Variants in SETD1B observed in about 807,000 individuals in gnomAD.
The protein encoded by SETD1B is SET domain containing 1B, histone lysine methyltransferase.
In SETD1B, 7 loss-of-function variants were observed where a neutral mutation model predicts 148.0. The ratio of observed to expected loss-of-function variants is 0.05; its 90% CI spans 0.03 to 0.09. SETD1B has a LOEUF of 0.09. Among genes scored for constraint, SETD1B ranks in the 10% least tolerant of loss-of-function variants. The pLI, the probability that SETD1B is intolerant of heterozygous loss-of-function variation, is 1.00. For synonymous variants in SETD1B, 1,361 were observed against 1,186.5 expected (o/e 1.15, Z -3.02); for missense variants, 2,155 against 2,729.9 (o/e 0.79, Z 4.69).
At chr12:121,798,604 T>C in the SETD1B span, among the ~76,000 whole-genome samples, 1 of 152,240 alleles carries the variant, frequency 6.6e-6, no homozygotes, top group African/African-American at 2.4e-5. Context: ...TCCTAGCCCA[T>C]GGCGAACTAT....
chr12:121,799,758 C>T (rs1376005895), upstream of SETD1B: 4 of 111,360 alleles, frequency 3.6e-5, no homozygotes, highest in Admixed American at 1.2e-4. Context: ...GCAGAACCAG[C>T]CCGGCGTGTT....
At position 121,808,293 on chromosome 12, in the gene SETD1B, C is replaced by G; in HGVS notation, c.630C>G (p.Val210=). The change falls in exon 5 of 17, where the codon GTC becomes GTG. Residue 210 remains valine (V), a synonymous_variant. Transcript: ENST00000604567. The surrounding 1 kb of genome is among the most constrained non-coding windows in gnomAD (Gnocchi z 5.3). ...QTLPVGELDA[V]SPIVNETLQL... ...TCCCAGTGGGCGAGCTGGACGCTGT[C>G]TCTCCAATCGTGAATGAGACCCTGC... is the stretch of plus-strand genomic sequence containing the variant. The G allele has an allele frequency of 6.4e-7, 1 of 1,550,890 alleles. No homozygotes were observed.
intron 13 of SETD1B, among the ~76,000 whole-genome samples, chr12:121,825,940 A>G (rs373636128): frequency 6.6e-6 from 1 of 152,096 alleles, no homozygotes; most frequent in African/African-American, 2.4e-5. Flanking sequence ...GCCACATCGC[A>G]TGGCCTCATT....
At position 121,819,465 on chromosome 12, in the gene SETD1B, G is replaced by A. The variant is rs1462151297; in HGVS notation, c.3480G>A (p.Glu1160=). ...AEATSSSESS[E]SSEFESSSES... ...CCACGTCGTCCAGTGAGAGTTCCGAGTCTTCTGAGTTTGAGTCAAGCTCCG... is the reference window on the plus strand; with the variant it reads ...CCACGTCGTCCAGTGAGAGTTCCGAATCTTCTGAGTTTGAGTCAAGCTCCG... Residue 1160 remains glutamate (E), a synonymous_variant, in exon 11 of 17, where the codon GAG becomes GAA. Transcript: ENST00000604567. 1 of 1,552,118 alleles carries A rather than the reference G, an allele frequency of 6.4e-7. No homozygotes were observed. Among genetic ancestry groups the A allele is most frequent in the South Asian group, 1.2e-5 (1 of 84,066 alleles).
At chr12:121,812,266 AG>A (rs1206011046) in intron 6 of SETD1B, among the ~76,000 whole-genome samples, 2 of 152,050 alleles carry the variant, frequency 1.3e-5, no homozygotes, top group African/African-American at 4.8e-5. Flanking sequence ...CCGAGGGTGC[AG>A]GGGGGGCTTT....
rs1177297414 is a variant in SETD1B at position 121,822,717 on chromosome 12, C to T, written c.4138C>T (p.Pro1380Ser). ...LAKSQSTETV[P>S]ATPGGEPPLS... ...CAAGTCGCAGAGCACAGAGACGGTG[C>T]CAGCCACACCAGGCGGGGAGCCCCC... The change falls in exon 12 of 17, where the codon CCA becomes TCA. Residue 1380 changes from proline to serine, a missense_variant. Physicochemically the swap from Pro to Ser is moderately conservative, Grantham distance 74. Transcript: ENST00000604567. The T allele has an allele frequency of 6.6e-7, 1 of 1,524,808 alleles. No homozygotes were observed. 94.5% of individuals were successfully genotyped at this position (1,524,808 alleles called of 1,614,324 possible).
In SETD1B at chr12:121,827,519, G is replaced by T; in HGVS notation, c.5338G>T (p.Gly1780Cys). The T allele has an allele frequency of 6.5e-7, 1 of 1,537,108 alleles. No individual in the cohort carries two copies. ...STDEPPADTQ[G>C]MSIPAQPHAS... ...GAGCCCCGCACACCGTCCACTGCAG[G>T]GCATGAGCATCCCAGCACAGCCCCA... The change falls in exon 14 of 17, where the codon GGC becomes TGC. Residue 1780 changes from glycine to cysteine, a missense_variant and splice_region_variant. Coordinates refer to ENST00000604567, the MANE Select transcript of SETD1B (RefSeq NM_001353345.2).
intron 13 of SETD1B, 115 bp downstream of exon 13, chr12:121,825,481 C>A (rs1280274075): frequency 7.3e-6 from 4 of 551,194 alleles, no homozygotes; most frequent in East Asian, 5.2e-5. Context: ...GAGGGGCTGG[C>A]ACACAGAGGG....
At chr12:121,816,151 A>T (rs192387180) in intron 7 of SETD1B, among the ~76,000 whole-genome samples, 165 of 151,980 alleles carry the variant, frequency 1.1e-3, no homozygotes, top group Middle Eastern at 3.4e-3. Context: ...TTAACATATT[A>T]TTTGCCTGTT....
At chr12:121,800,085 CGGGCGGCCG>C (rs1875254753), upstream of SETD1B, 3 of 152,124 alleles carry the variant, frequency 2.0e-5, no homozygotes, top group African/African-American at 7.2e-5. Context: ...CCCAGCGGCC[CGGGCGGCCG>C]GGGGTGGCTG....
chr12:121,825,491 GTGCAAGTGGAA>G, intron 13 of SETD1B, 125 bp downstream of exon 13: 12 of 676,854 alleles, frequency 1.8e-5, no homozygotes, highest in Admixed American at 6.1e-5. Flanking sequence ...CACACAGAGG[GTGCAAGTGGAA>G]GGGGAGAGGC....
the SETD1B span, among the ~76,000 whole-genome samples, chr12:121,796,713 CCCGT>C: frequency 6.6e-6 from 1 of 152,204 alleles, no homozygotes; most frequent in Non-Finnish European, 1.5e-5. Context: ...GCTAAAAGTT[CCCGT>C]CACAAAAGCC....
At chr12:121,794,345 G>C in the SETD1B span, 1 of 152,260 alleles carries the variant, frequency 6.6e-6, no homozygotes, top group Admixed American at 6.5e-5. Context: ...GCCCTCTGCC[G>C]GGCAATCGCC....
chr12:121,806,239 C>T (rs1007381529), intron 4 of SETD1B, 134 bp downstream of exon 4: 20 of 987,350 alleles, frequency 2.0e-5, no homozygotes, highest in Non-Finnish European at 2.8e-5. Context: ...TTTCTTAGCC[C>T]CCTCCTGAGG....
chr12:121,792,292 G>A, the SETD1B span, among the ~76,000 whole-genome samples: 1 of 152,234 alleles, frequency 6.6e-6, no homozygotes, highest in African/African-American at 2.4e-5. Flanking sequence ...GAGTCACAGA[G>A]GTGGGGTGAG....
chr12:121,829,324 C>T (rs113930571), intron 16 of SETD1B, among the ~76,000 whole-genome samples: 3 of 152,104 alleles, frequency 2.0e-5, no homozygotes, highest in Admixed American at 2.0e-4. Context: ...GCTGGTGGCC[C>T]CAGAAGTGGA....
chr12:121,804,677 C>G lies in SETD1B; in HGVS notation c.-14-47C>G. 1.4e-6 allele frequency: 2 copies of G among 1,399,496 alleles called. No individual in the cohort carries two copies. Among genetic ancestry groups the G allele is most frequent in the Non-Finnish European group, 1.9e-6 (2 of 1,032,946 alleles). The allele number at this position is 1,399,496 out of a possible 1,614,324, so 86.7% of individuals were successfully genotyped here. A position where few individuals can be genotyped will look rare whatever the true frequency, so the allele number is the denominator to read the frequency against. On this transcript the variant is annotated intron_variant, in intron 1 of 16. Transcript: ENST00000604567. This position sits in a 1 kb window ranked among gnomAD's most constrained non-coding sequence, Gnocchi z 4.6. Reference sequence around the variant, plus strand: ...TCTTTCGCGTGTGTGTAGAAGCGGCCGCCGCCGCCGCCGCGGCGGAGACGA... The same window carrying G: ...TCTTTCGCGTGTGTGTAGAAGCGGCGGCCGCCGCCGCCGCGGCGGAGACGA...
At chr12:121,798,585 A>G in the SETD1B span, among the ~76,000 whole-genome samples, 1 of 152,250 alleles carries the variant, frequency 6.6e-6, no homozygotes, top group Admixed American at 6.5e-5. Context: ...GGTCACCAGC[A>G]CTGAGAGATC....
upstream of SETD1B, chr12:121,801,540 G>C (rs1875363467): frequency 6.6e-6 from 1 of 152,598 alleles, no homozygotes; most frequent in Non-Finnish European, 1.5e-5. Context: ...TCCTCGAAGG[G>C]GCAAAAGGCA....
Sources: allele counts gnomAD v4.1 joint callset (sites outside exome capture counted in the v4.1 genomes callset), GRCh38; gene constraint gnomAD v4.1.1; non-coding constraint Gnocchi (gnomAD v3.1); transcripts MANE v1.5; gene names NCBI Gene and HGNC (gene_info 2026-07-23, HGNC 2026-07-21).